The following CAPN7 variants were observed in gnomAD, a reference collection of about 807,000 sequenced individuals.
CAPN7 encodes the protein calpain-7.
A neutral mutation model predicts 115.2 loss-of-function variants in CAPN7; 72 were observed. The ratio of observed to expected loss-of-function variants is 0.63; its 90% confidence interval spans 0.52 to 0.76. CAPN7 has a LOEUF of 0.76. Among genes scored for constraint, CAPN7 ranks in the 30% least tolerant of loss-of-function variants. The pLI, the probability that CAPN7 is intolerant of heterozygous loss-of-function variation, is 0.00. For synonymous variants in CAPN7, 344 were observed against 322.3 expected, an observed-to-expected ratio of 1.07 and a Z score of -0.72; for missense variants, 905 against 971.5, an observed-to-expected ratio of 0.93 and a Z score of 0.91.
intron 9 of CAPN7, 39 bp from the exon 10 acceptor site, chr3:15,232,480 T>C: frequency 6.6e-7 from 1 of 1,523,250 alleles, no homozygotes; most frequent in Non-Finnish European, 8.8e-7. Context: ...TTTTAAGATA[T>C]TTTGTGCACC....
intron 1 of CAPN7, chr3:15,210,978 C>T (rs1489067538): frequency 6.3e-6 from 7 of 1,117,122 alleles, no homozygotes; most frequent in African/African-American, 3.4e-5. Flanking sequence ...CATTGGTAAC[C>T]TTCCTGGAAT....
chr3:15,214,278 TTTC>T (rs1412668218), intron 2 of CAPN7, among the ~76,000 whole-genome samples: 2 of 152,188 alleles, frequency 1.3e-5, no homozygotes, highest in African/African-American at 4.8e-5. Flanking sequence ...TTTAAAGGAT[TTTC>T]TTATTTATTA....
intron 6 of CAPN7, among the ~76,000 whole-genome samples, chr3:15,225,589 A>T (rs1694267299): frequency 6.6e-6 from 1 of 151,908 alleles, no homozygotes; most frequent in Non-Finnish European, 1.5e-5. Flanking sequence ...AGCCATGCAG[A>T]CTCCCTTAAT....
intron 8 of CAPN7, 45 bp downstream of exon 8, chr3:15,229,104 T>A: frequency 1.5e-6 from 2 of 1,377,868 alleles, no homozygotes; most frequent in Non-Finnish European, 2.1e-6. Context: ...AATTGTCCCT[T>A]AACTAGAAAT....
At chr3:15,216,861 A>AT (rs1011163211) in intron 2 of CAPN7, among the ~76,000 whole-genome samples, 21 of 152,220 alleles carry the variant, frequency 1.4e-4, no homozygotes, top group Admixed American at 8.5e-4. Flanking sequence ...TAAGTAGTGT[A>AT]TTTTTTACTA....
rs1695683967 is a variant in CAPN7 at position 15,246,710 on chromosome 3, TAC to T, written c.2011-20_2011-19del. The T allele has an allele frequency of 1.3e-6, 2 of 1,519,900 alleles. No homozygotes were observed. The highest frequency in any genetic ancestry group is 9.1e-7 in the Non-Finnish European group (1 of 1,096,862). The allele number at this position is 1,519,900 out of a possible 1,614,324, so 94.2% of individuals were successfully genotyped here. ...TTCTTGTAAGTGTAAAATTTATCAA[TAC>T]AGTCTTTTTTTAAATCTAGGTATAT... On this transcript the variant is annotated intron_variant, in intron 17 of 20. Coordinates refer to ENST00000253693, the MANE Select transcript of CAPN7 (RefSeq NM_014296.3).
intron 5 of CAPN7, among the ~76,000 whole-genome samples, chr3:15,221,799 A>G (rs1451693013): frequency 2.0e-5 from 3 of 151,870 alleles, no homozygotes; most frequent in Admixed American, 6.6e-5. Flanking sequence ...CCAAAACCCC[A>G]TCTCTACTAC....
At chr3:15,223,291 T>C (rs1427840453) in intron 5 of CAPN7, among the ~76,000 whole-genome samples, 184 bp from the exon 6 acceptor site, 1 of 152,232 alleles carries the variant, frequency 6.6e-6, no homozygotes, top group African/African-American at 2.4e-5. Flanking sequence ...TTGAATTGAT[T>C]CAGTTATTTT....
chr3:15,230,137 A>T (rs1385706942), intron 8 of CAPN7, among the ~76,000 whole-genome samples: 1 of 152,232 alleles, frequency 6.6e-6, no homozygotes, highest in African/African-American at 2.4e-5. Context: ...AGATTATTTT[A>T]ACTGGCTTAA....
intron 12 of CAPN7, among the ~76,000 whole-genome samples, chr3:15,237,363 A>G (rs1020925382): frequency 2.0e-5 from 3 of 152,214 alleles, no homozygotes; most frequent in Non-Finnish European, 4.4e-5. Context: ...CAGCTCCATT[A>G]TAATCTTATG....
rs760118865 is a variant in CAPN7, at chr3:15,245,624, G to C, written c.1963G>C (p.Val655Leu). 6.2e-7 allele frequency: 1 copy of C among 1,613,858 alleles called. No homozygotes were observed. The highest frequency in any genetic ancestry group is 1.1e-5 in the South Asian group (1 of 91,068). The change falls in exon 17 of 21, where the codon GTG becomes CTG. Residue 655 changes from valine to leucine, a missense_variant. Transcript: ENST00000253693. ...TTPGTHTFTL[V>L]VSQYEKQNTI... The stretch of plus-strand genomic sequence containing the variant: ...ACCTGGCACCCATACCTTTACATTA[G>C]TGGTTTCTCAATATGAAAAACAGAA...
chr3:15,242,124 T>C, intron 15 of CAPN7, 54 bp from the exon 16 acceptor site: 9 of 1,144,754 alleles, frequency 7.9e-6, no homozygotes, highest in Non-Finnish European at 1.0e-5. Context: ...AAAAAGAAAA[T>C]AAATAGCATT....
rs141773289 is a variant in CAPN7, at chr3:15,249,670, C to T, written c.2205-1261C>T. On this transcript the variant is annotated intron_variant, in intron 19 of 20. Transcript: ENST00000253693. Reference sequence around the variant, plus strand: ...CTTTCCTTACTGATTTGGAATGCCACGTTTATAATATGCTAAGTACTTCTG... The same window carrying T: ...CTTTCCTTACTGATTTGGAATGCCATGTTTATAATATGCTAAGTACTTCTG... Among the ~76,000 whole-genome samples, 342 of 151,820 alleles carry T rather than the reference C, an allele frequency of 2.3e-3. 1 individual carries two copies. Among genetic ancestry groups the T allele is most frequent in the African/African-American group, 8.0e-3 (332 of 41,510 alleles).
At chr3:15,226,919 T>C (rs1694353770) in intron 6 of CAPN7, among the ~76,000 whole-genome samples, 1 of 152,088 alleles carries the variant, frequency 6.6e-6, no homozygotes, top group African/African-American at 2.4e-5. Flanking sequence ...CTAGGAAATC[T>C]TTTGAAAACC....
intron 5 of CAPN7, 133 bp downstream of exon 5, chr3:15,221,114 C>A: frequency 3.3e-6 from 2 of 614,646 alleles, no homozygotes; most frequent in Non-Finnish European, 5.7e-6. Context: ...GTAATTATAT[C>A]ATCATGTAGT....
intron 1 of CAPN7, among the ~76,000 whole-genome samples, chr3:15,209,866 T>G (rs1226760891): frequency 6.6e-6 from 1 of 152,246 alleles, no homozygotes; most frequent in Non-Finnish European, 1.5e-5. Flanking sequence ...TTCTAGAAAT[T>G]ATTTATATAA....
intron 16 of CAPN7, among the ~76,000 whole-genome samples, chr3:15,243,155 G>A (rs1695452252): frequency 6.6e-6 from 1 of 152,170 alleles, no homozygotes; most frequent in African/African-American, 2.4e-5. Context: ...TACAGGCAGA[G>A]GGAACAGCAA....
chr3:15,249,350 G>GT (rs1695866603), intron 19 of CAPN7, among the ~76,000 whole-genome samples: 1 of 152,046 alleles, frequency 6.6e-6, no homozygotes, highest in Non-Finnish European at 1.5e-5. Flanking sequence ...CATGAAAAAG[G>GT]TAAGGGTATT....
intron 10 of CAPN7, among the ~76,000 whole-genome samples, chr3:15,232,995 T>G (rs1190012638): frequency 6.6e-6 from 1 of 152,206 alleles, no homozygotes. Flanking sequence ...GTTACTTGTT[T>G]TATCCAGTCT....
Sources: allele counts gnomAD v4.1 joint callset (sites outside exome capture counted in the v4.1 genomes callset), GRCh38; gene constraint gnomAD v4.1.1; transcripts MANE v1.5; gene names NCBI Gene and HGNC (gene_info 2026-07-23, HGNC 2026-07-21).